The following LRMDA variants were observed in gnomAD, a reference collection of about 807,000 sequenced individuals.
LRMDA encodes leucine rich melanocyte differentiation associated, also known as leucine-rich melanocyte differentiation-associated protein.
LRMDA carries 18 observed loss-of-function variants against 29.8 expected under a neutral mutation model. The ratio of observed to expected loss-of-function variants is 0.60; its 90% CI spans 0.42 to 0.90. The LOEUF (loss-of-function observed/expected upper bound fraction) is 0.90, where lower values mean the gene tolerates loss of function less well. LRMDA is among the 40% of genes least tolerant of loss of function. LRMDA has a pLI of 0.00. For missense variants in LRMDA, 273 were observed against 273.9 expected (o/e 1.00, Z 0.02); for synonymous variants, 125 against 109.4 (o/e 1.14, Z -0.89).
intron 2 of LRMDA, among the ~76,000 whole-genome samples, chr10:75,500,181 C>T (rs3012043): frequency 0.8 from 122,155 of 151,996 alleles, 49,691 homozygotes; most frequent in Non-Finnish European, 0.86. Context: ...TTGCTCCTTA[C>T]AGGAGTCTTC....
At chr10:75,435,140 G>A (rs1302823028) in intron 1 of LRMDA, among the ~76,000 whole-genome samples, 1 of 152,216 alleles carries the variant, frequency 6.6e-6, no homozygotes, top group East Asian at 1.9e-4. Context: ...TTGAATCTTT[G>A]TTCCTCAATG....
At chr10:75,978,915 G>T (rs542294806) in intron 2 of LRMDA, among the ~76,000 whole-genome samples, 1 of 152,262 alleles carries the variant, frequency 6.6e-6, no homozygotes, top group East Asian at 1.9e-4. Context: ...ATAGAGATGA[G>T]CCAGGCAATC....
intron 2 of LRMDA, among the ~76,000 whole-genome samples, chr10:76,022,861 C>T (rs939199559): frequency 6.6e-6 from 1 of 152,086 alleles, no homozygotes; most frequent in Non-Finnish European, 1.5e-5. Flanking sequence ...GTTTAATTTC[C>T]GTATCTCAAG....
chr10:75,939,502 A>G (rs1589260222), intron 2 of LRMDA, among the ~76,000 whole-genome samples: 1 of 152,042 alleles, frequency 6.6e-6, no homozygotes, highest in Non-Finnish European at 1.5e-5. Flanking sequence ...TAATGTGAAG[A>G]TCTGCTAAAG....
chr10:75,769,772 T>A (rs1242929229), intron 2 of LRMDA, among the ~76,000 whole-genome samples: 1 of 152,236 alleles, frequency 6.6e-6, no homozygotes, highest in African/African-American at 2.4e-5. Flanking sequence ...TTGTCTTGTG[T>A]AGCCGCTTGA....
chr10:76,297,032 T>C (rs1840419339), intron 5 of LRMDA, among the ~76,000 whole-genome samples: 1 of 152,200 alleles, frequency 6.6e-6, no homozygotes, highest in South Asian at 2.1e-4. Context: ...GAGCTCTCAG[T>C]CCAGTGCTCC....
intron 6 of LRMDA, among the ~76,000 whole-genome samples, chr10:76,405,353 A>C (rs541877471): frequency 4.4e-4 from 67 of 152,298 alleles, no homozygotes; most frequent in African/African-American, 1.5e-3. Flanking sequence ...AGCTTTCGTC[A>C]CTAGGTGCAA....
intron 2 of LRMDA, among the ~76,000 whole-genome samples, chr10:75,501,421 T>C (rs560528047): frequency 6.6e-6 from 1 of 152,326 alleles, no homozygotes; most frequent in South Asian, 2.1e-4. Flanking sequence ...TGACCTAAGA[T>C]GTCTGTAAAA....
intron 2 of LRMDA, among the ~76,000 whole-genome samples, chr10:76,007,789 AGAG>A (rs1847699019): frequency 6.6e-6 from 1 of 152,180 alleles, no homozygotes; most frequent in South Asian, 2.1e-4. Flanking sequence ...CGTCAGAATC[AGAG>A]GAGGGGAAGG....
chr10:75,582,420 C>T (rs372959228), intron 2 of LRMDA, among the ~76,000 whole-genome samples: 16 of 152,200 alleles, frequency 1.1e-4, no homozygotes, highest in Non-Finnish European at 1.9e-4. Flanking sequence ...TTATGGCTTG[C>T]GGCCTCTGAA....
chr10:75,605,782 A>G (rs974189126), intron 2 of LRMDA, among the ~76,000 whole-genome samples: 38 of 152,216 alleles, frequency 2.5e-4, no homozygotes, highest in African/African-American at 9.2e-4. Context: ...TTGTGTGAGC[A>G]GTTGAAGGAG....
At chr10:75,433,542 T>TTTTGTTTG (rs556877972) in intron 1 of LRMDA, among the ~76,000 whole-genome samples, 1 of 152,062 alleles carries the variant, frequency 6.6e-6, no homozygotes, top group East Asian at 1.9e-4. Context: ...GAGGTGGTTT[T>TTTTGTTTG]TTTGTTTGTT....
At chr10:75,463,062 C>T (rs1001215393) in intron 2 of LRMDA, among the ~76,000 whole-genome samples, 1 of 152,148 alleles carries the variant, frequency 6.6e-6, no homozygotes, top group South Asian at 2.1e-4. Context: ...CCAGTTGCCG[C>T]TGGTGAGAGA....
At chr10:76,133,564 G>C (rs1850038864) in intron 5 of LRMDA, among the ~76,000 whole-genome samples, 1 of 152,136 alleles carries the variant, frequency 6.6e-6, no homozygotes, top group Admixed American at 6.5e-5. Context: ...AGAGCGAGGA[G>C]GGGCCTGCAA....
intron 6 of LRMDA, among the ~76,000 whole-genome samples, chr10:76,487,446 G>A (rs937877659): frequency 6.6e-6 from 1 of 151,856 alleles, no homozygotes. Flanking sequence ...TAAAGAAGGG[G>A]TATGTTAAAA....
At chr10:75,854,425 C>G (rs1235348399) in intron 2 of LRMDA, among the ~76,000 whole-genome samples, 1 of 152,052 alleles carries the variant, frequency 6.6e-6, no homozygotes, top group Non-Finnish European at 1.5e-5. Flanking sequence ...CTTTTACTCT[C>G]AAAATATCCA....
At chr10:76,163,552 C>CGTGCAT (rs571622944) in intron 5 of LRMDA, among the ~76,000 whole-genome samples, 53 of 151,988 alleles carry the variant, frequency 3.5e-4, no homozygotes, top group African/African-American at 1.3e-3. Flanking sequence ...TTACTGTGCA[C>CGTGCAT]GTGCATGTAG....
intron 2 of LRMDA, among the ~76,000 whole-genome samples, chr10:75,677,907 G>C (rs1003538325): frequency 1.3e-5 from 2 of 152,108 alleles, no homozygotes; most frequent in African/African-American, 4.8e-5. Flanking sequence ...TGAAACATAA[G>C]GATATTTTTA....
chr10:76,153,634 T>A (rs1850487084), intron 5 of LRMDA, among the ~76,000 whole-genome samples: 1 of 152,244 alleles, frequency 6.6e-6, no homozygotes. Flanking sequence ...TTAGATTTTT[T>A]AAATGTAATA....
Sources: allele counts gnomAD v4.1 joint callset (sites outside exome capture counted in the v4.1 genomes callset), GRCh38; gene constraint gnomAD v4.1.1; transcripts MANE v1.5; gene names NCBI Gene and HGNC (gene_info 2026-07-23, HGNC 2026-07-21).